GARIN5A: variants seen among roughly 807,000 people sequenced by gnomAD.
GARIN5A encodes the protein Golgi-associated RAB2 interactor protein 5A.
the GARIN5A span, among the ~76,000 whole-genome samples, chr19:50,472,108 G>A: frequency 7.2e-6 from 1 of 138,756 alleles, no homozygotes; most frequent in Non-Finnish European, 1.5e-5. Context: ...GTATATATAC[G>A]TGTGTATATG....
chr19:50,467,885 C>A, the GARIN5A span: 1 of 1,560,392 alleles, frequency 6.4e-7, no homozygotes, highest in East Asian at 2.3e-5. Context: ...CCTCCAGCAC[C>A]GTCGGGGTCA....
At chr19:50,472,810 C>G in the GARIN5A span, among the ~76,000 whole-genome samples, 148 of 152,124 alleles carry the variant, frequency 9.7e-4, no homozygotes, top group African/African-American at 3.3e-3. Flanking sequence ...GTGGGAGGAT[C>G]GCTTGCGCCT....
the GARIN5A span, among the ~76,000 whole-genome samples, chr19:50,469,620 G>A: frequency 1.3e-5 from 2 of 152,272 alleles, no homozygotes; most frequent in East Asian, 1.9e-4. Flanking sequence ...CCCGCAGCCC[G>A]ATTTAAGGTC....
At chr19:50,471,901 C>A in the GARIN5A span, among the ~76,000 whole-genome samples, 6 of 148,394 alleles carry the variant, frequency 4.0e-5, no homozygotes, top group South Asian at 2.1e-4. Context: ...TGTATGCATA[C>A]ATGTATGTGT....
chr19:50,475,691 A>G, the GARIN5A span: 1 of 701,294 alleles, frequency 1.4e-6, no homozygotes, highest in African/African-American at 1.8e-5. Flanking sequence ...AACTAGAAGT[A>G]TGGGGTGTCA....
chr19:50,467,120 C>T, the GARIN5A span, among the ~76,000 whole-genome samples: 2 of 152,174 alleles, frequency 1.3e-5, no homozygotes, highest in African/African-American at 4.8e-5. Flanking sequence ...TCCCCTGCTC[C>T]ACCTTGACCC....
chr19:50,476,746 C>T, the GARIN5A span: 4 of 820,690 alleles, frequency 4.9e-6, no homozygotes, highest in South Asian at 7.7e-5. Flanking sequence ...CGGAAGGAGG[C>T]TGCGCAGGGC....
At chr19:50,467,826 C>T in the GARIN5A span, 10 of 1,613,038 alleles carry the variant, frequency 6.2e-6, no homozygotes, top group Non-Finnish European at 8.5e-6. Flanking sequence ...TCAAGGGGAA[C>T]AGCCTGGGTG....
the GARIN5A span, chr19:50,475,947 G>A: frequency 6.2e-7 from 1 of 1,611,342 alleles, no homozygotes; most frequent in Non-Finnish European, 8.5e-7. Flanking sequence ...CAACCAGGAG[G>A]CATTTTACCA....
At chr19:50,475,548 C>A in the GARIN5A span, 2 of 1,240,956 alleles carry the variant, frequency 1.6e-6, no homozygotes, top group South Asian at 1.4e-5. Flanking sequence ...GGGAAAAGGT[C>A]ATGAACCAGG....
chr19:50,467,866 C>A, the GARIN5A span: 1 of 1,598,952 alleles, frequency 6.3e-7, no homozygotes, highest in Non-Finnish European at 8.5e-7. Context: ...GGTTCTGACC[C>A]TGTCGGGTCC....
the GARIN5A span, chr19:50,475,618 G>C: frequency 1.3e-6 from 1 of 744,886 alleles, no homozygotes. Flanking sequence ...GAATCATATG[G>C]GTGTGAAGTC....
the GARIN5A span, among the ~76,000 whole-genome samples, chr19:50,472,798 A>G: frequency 6.6e-6 from 1 of 152,128 alleles, no homozygotes; most frequent in African/African-American, 2.4e-5. Flanking sequence ...CAGGCAGCTG[A>G]GGTGGGAGGA....
At chr19:50,467,427 ACC>A in the GARIN5A span, 1 of 627,736 alleles carries the variant, frequency 1.6e-6, no homozygotes, top group Non-Finnish European at 2.7e-6. Flanking sequence ...GGAGTCCAGG[ACC>A]CCAGCCCTCA....
the GARIN5A span, among the ~76,000 whole-genome samples, chr19:50,473,093 T>C: frequency 6.6e-6 from 1 of 152,192 alleles, no homozygotes; most frequent in Non-Finnish European, 1.5e-5. Flanking sequence ...GTCAGAATAC[T>C]CCTTTGTGAA....
the GARIN5A span, chr19:50,475,371 G>A: frequency 1.2e-6 from 2 of 1,608,528 alleles, no homozygotes; most frequent in Non-Finnish European, 1.7e-6. Flanking sequence ...CCGGCCAGAA[G>A]CAATAGGTCC....
the GARIN5A span, among the ~76,000 whole-genome samples, chr19:50,471,799 T>C: frequency 6.7e-6 from 1 of 149,348 alleles, no homozygotes; most frequent in African/African-American, 2.6e-5. Context: ...TACATGCATG[T>C]GTATACGCAT....
the GARIN5A span, chr19:50,475,336 C>A: frequency 6.3e-7 from 1 of 1,594,000 alleles, no homozygotes; most frequent in Non-Finnish European, 8.6e-7. Context: ...CGAAGAGTTG[C>A]AGGTGTCCGT....
chr19:50,467,409 C>G, the GARIN5A span: 1 of 593,962 alleles, frequency 1.7e-6, no homozygotes, highest in Non-Finnish European at 2.9e-6. Flanking sequence ...CCTCCTCCCT[C>G]AGACCCAGGA....
Sources: allele counts gnomAD v4.1 joint callset (sites outside exome capture counted in the v4.1 genomes callset), GRCh38; gene constraint gnomAD v4.1.1; transcripts MANE v1.5; gene names NCBI Gene and HGNC (gene_info 2026-07-23, HGNC 2026-07-21).